The following MBOAT2 variants were observed in gnomAD, a reference collection of about 807,000 sequenced individuals.
The protein encoded by MBOAT2 is membrane bound glycerophospholipid O-acyltransferase 2.
Under a neutral mutation model 63.4 loss-of-function variants are expected in MBOAT2, and 28 were observed. The ratio of observed to expected loss-of-function variants is 0.44; its 90% CI spans 0.33 to 0.61. The LOEUF (loss-of-function observed/expected upper bound fraction) is 0.61, where lower values mean the gene tolerates loss of function less well. Ranked by LOEUF, MBOAT2 falls within the 20% of genes least tolerant of loss-of-function variation. The probability of loss-of-function intolerance (pLI) is 0.03; values close to 1 mark genes in which losing one functional copy is unlikely to be tolerated. For synonymous variants in MBOAT2, 211 were observed against 215.6 expected, an observed-to-expected ratio of 0.98 and a Z score of 0.19; for missense variants, 470 against 605.8, an observed-to-expected ratio of 0.78 and a Z score of 2.35.
At chr2:8,902,642 CT>C (rs1263831645) in intron 4 of MBOAT2, among the ~76,000 whole-genome samples, 17 of 152,072 alleles carry the variant, frequency 1.1e-4, no homozygotes, top group Non-Finnish European at 1.5e-5. Flanking sequence ...AGCTGTAGAC[CT>C]TTGCGGTGAC....
intron 1 of MBOAT2, among the ~76,000 whole-genome samples, chr2:8,974,065 T>C (rs978403171): frequency 2.0e-5 from 3 of 152,142 alleles, no homozygotes; most frequent in African/African-American, 7.2e-5. Flanking sequence ...CTGTACCAAG[T>C]ACCAAGTACT....
chr2:8,974,811 C>T (rs929104645), intron 1 of MBOAT2, among the ~76,000 whole-genome samples: 1 of 152,132 alleles, frequency 6.6e-6, no homozygotes. Flanking sequence ...TCTCCCTATA[C>T]TGAATCTGCT....
intron 4 of MBOAT2, among the ~76,000 whole-genome samples, chr2:8,905,253 T>C (rs1185645050): frequency 6.6e-6 from 1 of 152,142 alleles, no homozygotes; most frequent in Non-Finnish European, 1.5e-5. Context: ...GCTCATGTAT[T>C]ATAACACATT....
chr2:8,985,245 C>T (rs946373617), intron 1 of MBOAT2, among the ~76,000 whole-genome samples: 14 of 152,070 alleles, frequency 9.2e-5, no homozygotes, highest in African/African-American at 3.4e-4. Context: ...TACCTTTTAC[C>T]GTTTTTTCAC....
intron 4 of MBOAT2, chr2:8,908,069 T>C (rs1158779598): frequency 6.6e-6 from 1 of 152,248 alleles, no homozygotes; most frequent in East Asian, 1.9e-4. Flanking sequence ...AAGGTTTATC[T>C]TCAACTTCCC....
intron 4 of MBOAT2, among the ~76,000 whole-genome samples, chr2:8,906,315 G>A (rs1665329522): frequency 1.3e-5 from 2 of 152,182 alleles, no homozygotes; most frequent in Admixed American, 1.3e-4. Context: ...CATGCACTAT[G>A]CTCTTAATGT....
chr2:8,859,118 C>A (rs144698459), intron 12 of MBOAT2, among the ~76,000 whole-genome samples: 1 of 152,216 alleles, frequency 6.6e-6, no homozygotes, highest in East Asian at 1.9e-4. Context: ...TAATTAGAAG[C>A]CTGATTTTCT....
intron 1 of MBOAT2, among the ~76,000 whole-genome samples, chr2:8,971,799 C>G (rs545005919): frequency 6.6e-6 from 1 of 152,212 alleles, no homozygotes; most frequent in East Asian, 1.9e-4. Context: ...ACCTAGGAAT[C>G]CAACTTACAA....
intron 3 of MBOAT2, among the ~76,000 whole-genome samples, chr2:8,923,480 C>T (rs1666727111): frequency 6.6e-6 from 1 of 152,142 alleles, no homozygotes; most frequent in African/African-American, 2.4e-5. Flanking sequence ...TACAGTTCTC[C>T]AGGCCCCTGC....
intron 2 of MBOAT2, among the ~76,000 whole-genome samples, chr2:8,948,896 G>C (rs1408357851): frequency 1.3e-5 from 2 of 152,168 alleles, no homozygotes; most frequent in East Asian, 1.9e-4. Context: ...GTTGTTTCAA[G>C]TTCTTTAAGA....
intron 2 of MBOAT2, among the ~76,000 whole-genome samples, chr2:8,953,847 T>G (rs543999189): frequency 6.6e-6 from 1 of 152,348 alleles, no homozygotes; most frequent in South Asian, 2.1e-4. Context: ...AGTTTCTTTG[T>G]GTTGATTTTC....
intron 1 of MBOAT2, among the ~76,000 whole-genome samples, chr2:8,970,441 T>C (rs1670365866): frequency 6.6e-6 from 1 of 152,132 alleles, no homozygotes; most frequent in Non-Finnish European, 1.5e-5. Flanking sequence ...ATTGACACCC[T>C]AACATCACAA....
intron 2 of MBOAT2, among the ~76,000 whole-genome samples, chr2:8,948,902 TAAGA>T (rs1279523436): frequency 5.3e-5 from 8 of 152,336 alleles, no homozygotes; most frequent in Admixed American, 5.2e-4. Context: ...TCAAGTTCTT[TAAGA>T]AATCTGCAAA....
intron 3 of MBOAT2, among the ~76,000 whole-genome samples, chr2:8,912,349 AAG>A (rs1491407070): frequency 0.075 from 5,505 of 73,768 alleles, 143 homozygotes; most frequent in African/African-American, 0.093. Context: ...GAAAGAAAGA[AAG>A]AGAAAGAAAG....
At chr2:8,926,614 G>A (rs767984286) in intron 3 of MBOAT2, among the ~76,000 whole-genome samples, 23 of 152,208 alleles carry the variant, frequency 1.5e-4, no homozygotes, top group Non-Finnish European at 3.1e-4. Flanking sequence ...AGGAGCGAGT[G>A]CTGTGAACTG....
chr2:8,950,021 A>G (rs972922269), intron 2 of MBOAT2, among the ~76,000 whole-genome samples: 12 of 152,276 alleles, frequency 7.9e-5, no homozygotes, highest in South Asian at 6.2e-4. Context: ...CTCTCCTTGT[A>G]AAGATCTTTC....
At chr2:8,905,221 G>C (rs781636033) in intron 4 of MBOAT2, among the ~76,000 whole-genome samples, 4 of 152,002 alleles carry the variant, frequency 2.6e-5, no homozygotes, top group Non-Finnish European at 4.4e-5. Context: ...ACGCTAATTA[G>C]GATCAAGTCA....
At chr2:8,939,210 CA>C (rs1376550203) in intron 3 of MBOAT2, among the ~76,000 whole-genome samples, 4 of 152,220 alleles carry the variant, frequency 2.6e-5, no homozygotes, top group African/African-American at 9.6e-5. Flanking sequence ...TGGTGCATCT[CA>C]GGAACTTAAT....
intron 2 of MBOAT2, among the ~76,000 whole-genome samples, chr2:8,955,020 T>A (rs924968674): frequency 3.9e-5 from 6 of 152,330 alleles, no homozygotes; most frequent in Admixed American, 3.3e-4. Context: ...GCTCTCCTCC[T>A]GCCCCAGGCT....
Sources: allele counts gnomAD v4.1 joint callset (sites outside exome capture counted in the v4.1 genomes callset), GRCh38; gene constraint gnomAD v4.1.1; transcripts MANE v1.5; gene names NCBI Gene and HGNC (gene_info 2026-07-23, HGNC 2026-07-21).